The following DLK1 variants were observed in gnomAD, a reference collection of about 807,000 sequenced individuals.
DLK1 encodes the protein delta like non-canonical Notch ligand 1.
Under a neutral mutation model 35.2 loss-of-function variants are expected in DLK1, and 9 were observed. The observed-to-expected ratio is 0.26, with a 90% CI of 0.15 to 0.45. The LOEUF (loss-of-function observed/expected upper bound fraction) is 0.45. Ranked by LOEUF, DLK1 falls within the 20% of genes least tolerant of loss-of-function variation. DLK1 has a pLI of 1.00. For synonymous variants in DLK1, 231 were observed against 228.4 expected (o/e 1.01, Z -0.10); for missense variants, 522 against 528.5 (o/e 0.99, Z 0.12).
rs749087220 is a variant in DLK1 at position 100,732,054 on chromosome 14, G to A, written c.275G>A (p.Cys92Tyr). The A allele has an allele frequency of 3.1e-6, 5 of 1,613,382 alleles. No homozygotes were observed. The South Asian group carries it at 3.3e-5, about 11-fold the overall frequency. ...GELCDRDVRA[C>Y]SSAPCANNRT... ...CGTCACCCCGCAGATGTTCGGGCCT[G>A]CTCCTCGGCCCCCTGTGCCAACAAC... Residue 92 changes from cysteine to tyrosine, a missense_variant, in exon 4 of 5, where the codon TGC becomes TAC. By Grantham distance (194) the Cys-to-Tyr change is radical. Coordinates refer to ENST00000341267, the MANE Select transcript of DLK1 (RefSeq NM_003836.7).
chr14:100,730,746 G>T (rs551757940), intron 3 of DLK1, among the ~76,000 whole-genome samples: 2 of 152,318 alleles, frequency 1.3e-5, no homozygotes, highest in East Asian at 3.9e-4. Flanking sequence ...GAGGCGCCAC[G>T]TGCTAATGCC....
Position 100,735,172 on chromosome 14 carries a change from AT to A in DLK1, c.*279del, listed in dbSNP as rs2036558130. On this transcript the variant is annotated 3_prime_UTR_variant, in exon 5 of 5. Coordinates refer to ENST00000341267, the MANE Select transcript of DLK1 (RefSeq NM_003836.7). ...ATTCTAAAATCTAAACTCAAATGAA[AT>A]TTCAAAAAAGACCAAAAAAAAACAA... 6.0e-6 allele frequency: 2 copies of A among 335,172 alleles called. No individual in the cohort carries two copies. Among genetic ancestry groups the A allele is most frequent in the Admixed American group, 9.6e-5 (2 of 20,912 alleles). The allele number at this position is 335,172 out of a possible 1,614,324, so 20.8% of individuals were successfully genotyped here.
At chr14:100,727,688 A>G (rs1225935630) in intron 1 of DLK1, among the ~76,000 whole-genome samples, 1 of 152,068 alleles carries the variant, frequency 6.6e-6, no homozygotes, top group Non-Finnish European at 1.5e-5. Flanking sequence ...CCCCCCACTC[A>G]TTGCACCAGT....
intron 1 of DLK1, 41 bp from the exon 2 acceptor site, chr14:100,728,355 G>A (rs1567020302): frequency 1.2e-6 from 2 of 1,611,608 alleles, no homozygotes; most frequent in Admixed American, 1.7e-5. Context: ...CTTGGCCTGG[G>A]GCCTGGTGGG....
Position 100,732,116 on chromosome 14 carries a change from T to A in DLK1, c.337T>A (p.Cys113Ser), listed in dbSNP as rs766052438. The A allele has an allele frequency of 1.2e-6, 2 of 1,614,054 alleles. No homozygotes were observed. The highest frequency in any genetic ancestry group is 1.7e-6 in the Non-Finnish European group (2 of 1,179,906). ...CVSLDDGLYE[C>S]SCAPGYSGKD... ...GAGCCTGGACGATGGCCTCTATGAA[T>A]GCTCCTGTGCCCCCGGGTACTCGGG... The change falls in exon 4 of 5, where the codon TGC becomes AGC. Residue 113 changes from cysteine (C) to serine (S), a missense_variant. Cys to Ser is a moderately radical substitution (Grantham distance 112). Coordinates refer to ENST00000341267, the MANE Select transcript of DLK1 (RefSeq NM_003836.7).
At chr14:100,731,527 G>T (rs894833892) in intron 3 of DLK1, among the ~76,000 whole-genome samples, 1 of 152,126 alleles carries the variant, frequency 6.6e-6, no homozygotes, top group Non-Finnish European at 1.5e-5. Context: ...ACGGAGGGGG[G>T]TCGTTACATC....
intron 3 of DLK1, among the ~76,000 whole-genome samples, chr14:100,730,065 G>A (rs926211734): frequency 2.0e-5 from 3 of 152,184 alleles, no homozygotes; most frequent in Admixed American, 2.0e-4. Context: ...ATTTTGTTGT[G>A]GCCCCTGCCC....
chr14:100,727,528 G>A (rs2036450400), intron 1 of DLK1, among the ~76,000 whole-genome samples: 2 of 152,156 alleles, frequency 1.3e-5, no homozygotes, highest in South Asian at 4.1e-4. Context: ...AGTGGGGGAC[G>A]ACTTTGCCGT....
At chr14:100,728,623 G>GT (rs1567020454) in intron 2 of DLK1, 164 bp downstream of exon 2, 4 of 172,444 alleles carry the variant, frequency 2.3e-5, no homozygotes, top group African/African-American at 8.4e-5. Flanking sequence ...GATGGGGGGG[G>GT]CGGGGGGGGG....
rs923901730 is a variant in DLK1 at position 100,728,726 on chromosome 14, C to G, written c.132-210C>G. The G allele has an allele frequency of 4.2e-5, 31 of 737,400 alleles. No individual in the cohort carries two copies. The Admixed American group carries it at 4.6e-4, about 11-fold the overall frequency. 45.7% of individuals were successfully genotyped at this position (737,400 alleles called of 1,614,324 possible). On this transcript the variant is annotated intron_variant, in intron 2 of 4. Transcript: ENST00000341267. ...GCAAAACGCAGCACTCCCCCGGGATCTCGGGGCCCCTCCAAGTCGGCCCCC... is the reference window on the plus strand; with the variant it reads ...GCAAAACGCAGCACTCCCCCGGGATGTCGGGGCCCCTCCAAGTCGGCCCCC...
intron 4 of DLK1, among the ~76,000 whole-genome samples, chr14:100,733,784 G>A (rs548908577): frequency 6.6e-6 from 1 of 152,316 alleles, no homozygotes; most frequent in Non-Finnish European, 1.5e-5. Flanking sequence ...GTTGGCTAGT[G>A]ACTAACCGGT....
chr14:100,734,859 C>A lies in DLK1; in HGVS notation c.1115C>A (p.Thr372Asn). ...NIIFPEKIDM[T>N]TFSKEAGDEE... The stretch of plus-strand genomic sequence containing the variant: ...ATCTTCCCCGAGAAGATCGACATGA[C>A]CACCTTCAGCAAGGAGGCCGGCGAC... The change falls in exon 5 of 5, where the codon ACC (threonine) becomes AAC (asparagine). Residue 372 changes from threonine to asparagine, a missense_variant. Thr to Asn is a moderately conservative substitution (Grantham distance 65). Transcript: ENST00000341267. This position sits in a 1 kb window ranked among gnomAD's most constrained non-coding sequence, Gnocchi z 7.4. 1 of 1,603,928 alleles carries A rather than the reference C, an allele frequency of 6.2e-7. No homozygotes were observed. The highest frequency in any genetic ancestry group is 1.1e-5 in the South Asian group (1 of 90,556).
At chr14:100,728,159 C>T (rs1368468847) in intron 1 of DLK1, among the ~76,000 whole-genome samples, 1 of 152,110 alleles carries the variant, frequency 6.6e-6, no homozygotes, top group African/African-American at 2.4e-5. Flanking sequence ...CTCCTAAGAA[C>T]GAGGGAGAGT....
Position 100,735,764 on chromosome 14 carries a change from C to CAA in DLK1, c.*870_*871dup, listed in dbSNP as rs1448487239. On this transcript the variant is annotated 3_prime_UTR_variant, in exon 5 of 5. Transcript: ENST00000341267. ...TGAAATTTATCCTAACTGTGTTTCT[C>CAA]AAAGTGGGGAGCCTCCTGGCCCACT... 6.6e-6 allele frequency: 1 copy of CAA among 152,206 alleles called. No individual in the cohort carries two copies. The highest frequency in any genetic ancestry group is 2.4e-5 in the African/African-American group (1 of 41,446). 9.4% of individuals were successfully genotyped at this position (152,206 alleles called of 1,614,324 possible).
rs115823539 is a variant in DLK1, at chr14:100,727,930, C to T, written c.68-466C>T. Among the ~76,000 whole-genome samples, 1,354 of 152,168 alleles carry T rather than the reference C, an allele frequency of 8.9e-3. 19 individuals are homozygous for T. Among genetic ancestry groups the T allele is most frequent in the African/African-American group, 0.03 (1,259 of 41,494 alleles). On this transcript the variant is annotated intron_variant, in intron 1 of 4. Coordinates refer to ENST00000341267, the MANE Select transcript of DLK1 (RefSeq NM_003836.7). Reference sequence around the variant, plus strand: ...GGATGAACCTTAAAAAGAATGCAGACGCCTTACTGGGGCGCCCACCAGGTG... The same window carrying T: ...GGATGAACCTTAAAAAGAATGCAGATGCCTTACTGGGGCGCCCACCAGGTG...
chr14:100,732,037 C>G lies in DLK1; in HGVS notation c.263-5C>G. ...TAAGTTCTCGTCTTCCCCGTCACCC[C>G]GCAGATGTTCGGGCCTGCTCCTCGG... is the stretch of plus-strand genomic sequence containing the variant. On this transcript the variant is annotated splice_polypyrimidine_tract_variant and splice_region_variant and intron_variant, in intron 3 of 4. Coordinates refer to ENST00000341267, the MANE Select transcript of DLK1 (RefSeq NM_003836.7). 5 of 1,610,318 alleles carry G rather than the reference C, an allele frequency of 3.1e-6. No homozygotes were observed. The highest frequency in any genetic ancestry group is 4.2e-6 in the Non-Finnish European group (5 of 1,177,986).
intron 3 of DLK1, among the ~76,000 whole-genome samples, chr14:100,730,759 G>C (rs2036497682): frequency 6.6e-6 from 1 of 152,234 alleles, no homozygotes; most frequent in South Asian, 2.1e-4. Context: ...CTAATGCCTT[G>C]CCGGTGCCGT....
At chr14:100,728,072 G>T (rs2036457883) in intron 1 of DLK1, among the ~76,000 whole-genome samples, 1 of 152,138 alleles carries the variant, frequency 6.6e-6, no homozygotes, top group African/African-American at 2.4e-5. Context: ...TCCCTCCACG[G>T]TCCCCGTCCC....
At chr14:100,728,616 G>GA in intron 2 of DLK1, 157 bp downstream of exon 2, 1 of 183,118 alleles carries the variant, frequency 5.5e-6, no homozygotes, top group Non-Finnish European at 1.1e-5. Context: ...CTGGGGAGAT[G>GA]GGGGGGGCGG....
Sources: gnomAD v4.1 joint callset for allele counts (sites outside exome capture counted in the v4.1 genomes callset) on GRCh38, gnomAD v4.1.1 for gene constraint, Gnocchi (gnomAD v3.1) non-coding constraint, MANE v1.5 for transcripts, NCBI Gene and HGNC (gene_info 2026-07-23, HGNC 2026-07-21) for gene names.